Variants in CDH12 observed in about 807,000 individuals in gnomAD.
CDH12 encodes the protein cadherin-12.
Under a neutral mutation model 74.1 loss-of-function variants are expected in CDH12, and 41 were observed. The ratio of observed to expected loss-of-function variants is 0.55; its 90% confidence interval spans 0.43 to 0.72. CDH12 has a LOEUF of 0.72. Ranked by LOEUF, CDH12 falls within the 30% of genes least tolerant of loss-of-function variation. CDH12 has a pLI of 0.00. For synonymous variants in CDH12, 399 were observed against 355.0 expected (o/e 1.12, Z -1.39); for missense variants, 945 against 977.2 (o/e 0.97, Z 0.44).
chr5:22,535,952 A>G (rs890897678), intron 1 of CDH12, among the ~76,000 whole-genome samples: 1 of 152,236 alleles, frequency 6.6e-6, no homozygotes, highest in Non-Finnish European at 1.5e-5. Context: ...CCTAAACAAT[A>G]GAGTATAGCA....
At chr5:21,882,933 A>G (rs1752434961) in intron 6 of CDH12, 2 of 1,602,412 alleles carry the variant, frequency 1.2e-6, no homozygotes, top group Non-Finnish European at 1.7e-6. Context: ...TGGCACTACC[A>G]CTGCTACTGT....
intron 4 of CDH12, among the ~76,000 whole-genome samples, chr5:22,086,413 C>T (rs932353935): frequency 3.9e-5 from 6 of 152,038 alleles, no homozygotes; most frequent in Non-Finnish European, 5.9e-5. Flanking sequence ...GGCGTGATCT[C>T]GTCTCATTCC....
intron 4 of CDH12, among the ~76,000 whole-genome samples, chr5:22,085,493 T>C (rs1292358452): frequency 6.6e-6 from 1 of 152,186 alleles, no homozygotes; most frequent in Non-Finnish European, 1.5e-5. Flanking sequence ...ATTGGAGAAC[T>C]CTTTAATGGT....
At chr5:22,032,948 A>G (rs1490533757) in intron 5 of CDH12, among the ~76,000 whole-genome samples, 1 of 151,312 alleles carries the variant, frequency 6.6e-6, no homozygotes, top group Non-Finnish European at 1.5e-5. Context: ...AACAGACTGT[A>G]AGATGGGAAA....
At chr5:22,002,084 C>T (rs1458654759) in intron 5 of CDH12, among the ~76,000 whole-genome samples, 2 of 152,072 alleles carry the variant, frequency 1.3e-5, no homozygotes, top group Admixed American at 6.6e-5. Context: ...TAGGAAGAAT[C>T]ATATCAGTGT....
At chr5:22,248,280 C>T (rs932075848) in intron 3 of CDH12, among the ~76,000 whole-genome samples, 2 of 151,968 alleles carry the variant, frequency 1.3e-5, no homozygotes, top group Non-Finnish European at 2.9e-5. Context: ...GCCTGGATGA[C>T]AAGAATTTAA....
At chr5:22,033,336 T>TG (rs1738954668) in intron 5 of CDH12, among the ~76,000 whole-genome samples, 1 of 152,166 alleles carries the variant, frequency 6.6e-6, no homozygotes, top group Admixed American at 6.5e-5. Flanking sequence ...CATGCTTGAA[T>TG]TTTTTCACAG....
chr5:22,561,736 G>C (rs1739058347), intron 1 of CDH12, among the ~76,000 whole-genome samples: 1 of 152,084 alleles, frequency 6.6e-6, no homozygotes, highest in African/African-American at 2.4e-5. Flanking sequence ...CTGGAATGTA[G>C]GATCTCTAAA....
intron 1 of CDH12, among the ~76,000 whole-genome samples, chr5:22,852,427 C>G (rs1031960908): frequency 6.6e-6 from 1 of 152,138 alleles, no homozygotes; most frequent in Non-Finnish European, 1.5e-5. Context: ...TGATCAATAA[C>G]CTTAAAATAA....
chr5:22,791,773 A>G (rs1747918405), intron 1 of CDH12, among the ~76,000 whole-genome samples: 1 of 152,184 alleles, frequency 6.6e-6, no homozygotes, highest in African/African-American at 2.4e-5. Context: ...GAAGAATGCC[A>G]GACACTGGAA....
At chr5:21,781,818 G>A (rs543616444) in intron 11 of CDH12, among the ~76,000 whole-genome samples, 13 of 151,628 alleles carry the variant, frequency 8.6e-5, no homozygotes, top group African/African-American at 3.1e-4. Context: ...CCTTTCTATT[G>A]CAAGAAACTG....
intron 2 of CDH12, among the ~76,000 whole-genome samples, chr5:22,465,736 C>T (rs768286637): frequency 6.6e-6 from 1 of 152,136 alleles, no homozygotes; most frequent in African/African-American, 2.4e-5. Context: ...CCATTGTCAC[C>T]TCTCAGTAAA....
At chr5:22,553,848 G>A (rs528955859) in intron 1 of CDH12, among the ~76,000 whole-genome samples, 7 of 152,206 alleles carry the variant, frequency 4.6e-5, no homozygotes, top group South Asian at 2.1e-4. Context: ...CTCATAAGGA[G>A]CATGCAGCCT....
intron 2 of CDH12, among the ~76,000 whole-genome samples, chr5:22,435,403 T>TAC (rs1744337251): frequency 6.6e-6 from 1 of 151,610 alleles, no homozygotes; most frequent in Non-Finnish European, 1.5e-5. Flanking sequence ...TATATATATA[T>TAC]ACACACACAT....
chr5:22,290,316 CT>C (rs1259635633), intron 3 of CDH12, among the ~76,000 whole-genome samples: 1 of 152,006 alleles, frequency 6.6e-6, no homozygotes, highest in Non-Finnish European at 1.5e-5. Context: ...GATTGATTGA[CT>C]TTCTCACAAA....
chr5:22,831,910 A>C (rs1345483040), intron 1 of CDH12, among the ~76,000 whole-genome samples: 1 of 152,072 alleles, frequency 6.6e-6, no homozygotes, highest in Non-Finnish European at 1.5e-5. Context: ...CAAAAAAAAA[A>C]TTAAATCCAC....
intron 3 of CDH12, among the ~76,000 whole-genome samples, chr5:22,385,884 CT>C (rs969476085): frequency 3.8e-3 from 359 of 95,410 alleles, no homozygotes; most frequent in East Asian, 0.012. Context: ...TGGCTACGCG[CT>C]TTTTTTTTTT....
intron 2 of CDH12, among the ~76,000 whole-genome samples, chr5:22,474,148 C>T (rs971734731): frequency 3.9e-5 from 6 of 152,184 alleles, no homozygotes; most frequent in Middle Eastern, 3.4e-3. Flanking sequence ...TTTTCTTTCA[C>T]GAATATTTCC....
intron 4 of CDH12, among the ~76,000 whole-genome samples, chr5:22,120,816 C>T (rs1745466594): frequency 6.6e-6 from 1 of 152,034 alleles, no homozygotes. Flanking sequence ...TTTCTTTATT[C>T]AATTTATCAT....
Sources: gnomAD v4.1 joint callset for allele counts (sites outside exome capture counted in the v4.1 genomes callset) on GRCh38, gnomAD v4.1.1 for gene constraint, MANE v1.5 for transcripts, NCBI Gene and HGNC (gene_info 2026-07-23, HGNC 2026-07-21) for gene names.